MYO3B: variants seen among roughly 807,000 people sequenced by gnomAD.
MYO3B encodes myosin IIIB, also known as myosin-IIIb.
Under a neutral mutation model 174.6 loss-of-function variants are expected in MYO3B, and 156 were observed. That is an observed-to-expected ratio of 0.89 (90% confidence interval 0.78 to 1.02). MYO3B has a LOEUF of 1.02. Among genes scored for constraint, MYO3B ranks in the 50% least tolerant of loss-of-function variants. MYO3B has a pLI of 0.00. For missense variants in MYO3B, 1,632 were observed against 1,639.4 expected (o/e 1.00, Z 0.08); for synonymous variants, 563 against 569.1 (o/e 0.99, Z 0.15).
Position 170,192,241 on chromosome 2 carries a change from T to A in MYO3B, c.3-6967T>A, listed in dbSNP as rs143024077. On this transcript the variant is annotated intron_variant, in intron 1 of 34. Transcript: ENST00000408978. ...TTTTTGAGGGCTAGCTCTTTTTTTT[T>A]ATTATTCTGAATTTCTTCCATTATA... is the stretch of plus-strand genomic sequence containing the variant. 2.9e-3 allele frequency among the ~76,000 whole-genome samples: 433 copies of A among 151,910 alleles called. 2 individuals are homozygous for A. Among genetic ancestry groups the A allele is most frequent in the African/African-American group, 1.0e-2 (414 of 41,564 alleles).
chr2:170,296,381 G>A (rs1415788019), intron 7 of MYO3B, among the ~76,000 whole-genome samples: 1 of 152,208 alleles, frequency 6.6e-6, no homozygotes, highest in African/African-American at 2.4e-5. Flanking sequence ...ACCATTGGTG[G>A]TTAGTGGTAC....
chr2:170,492,615 C>T (rs74968819), intron 25 of MYO3B, among the ~76,000 whole-genome samples: 1,706 of 152,266 alleles, frequency 0.011, 29 homozygotes, highest in African/African-American at 0.039. Flanking sequence ...AGTTGTCTTT[C>T]AGAAATACAG....
chr2:170,440,647 G>T (rs2094793010), intron 22 of MYO3B, among the ~76,000 whole-genome samples: 1 of 151,476 alleles, frequency 6.6e-6, no homozygotes, highest in Non-Finnish European at 1.5e-5. Flanking sequence ...CAGCTACTCA[G>T]GAGGCTGAGG....
chr2:170,627,513 G>A lies in MYO3B; in HGVS notation c.3734-24115G>A, dbSNP rs527596744. Among the ~76,000 whole-genome samples the A allele has an allele frequency of 1.7e-4, 26 of 152,236 alleles. No homozygotes were observed. The East Asian group carries it at 4.1e-3, about 24-fold the overall frequency. The stretch of plus-strand genomic sequence containing the variant: ...GGGTTCGAACTTCCTCCTTTAGCTC[G>A]GAGAAGTTTGGTCATCTGAAGCCTT... On this transcript the variant is annotated intron_variant, in intron 32 of 34. Coordinates refer to ENST00000408978, the MANE Select transcript of MYO3B (RefSeq NM_138995.5).
At chr2:170,641,834 A>C in intron 32 of MYO3B, among the ~76,000 whole-genome samples, 1 of 117,120 alleles carries the variant, frequency 8.5e-6, no homozygotes, top group South Asian at 3.3e-4. Context: ...ATAGAATGGA[A>C]ATATTTATGA....
At chr2:170,511,146 G>A (rs1208186616) in intron 28 of MYO3B, among the ~76,000 whole-genome samples, 4 of 149,060 alleles carry the variant, frequency 2.7e-5, no homozygotes, top group South Asian at 4.3e-4. Context: ...TGCAAACTCC[G>A]CCTCCCAGGT....
intron 32 of MYO3B, among the ~76,000 whole-genome samples, chr2:170,568,695 A>G (rs907256289): frequency 6.6e-6 from 1 of 152,226 alleles, no homozygotes; most frequent in Non-Finnish European, 1.5e-5. Context: ...ACTTTCAGCA[A>G]TGATTTCAAT....
intron 32 of MYO3B, among the ~76,000 whole-genome samples, chr2:170,558,097 C>T (rs971890824): frequency 1.3e-5 from 2 of 152,126 alleles, no homozygotes; most frequent in African/African-American, 2.4e-5. Flanking sequence ...GTCAGGAGAT[C>T]AAGACCATCC....
intron 30 of MYO3B, among the ~76,000 whole-genome samples, chr2:170,528,324 G>A (rs150185341): frequency 6.6e-6 from 1 of 152,346 alleles, no homozygotes; most frequent in East Asian, 1.9e-4. Context: ...GTGGACTTCA[G>A]CAGATATGAT....
intron 32 of MYO3B, among the ~76,000 whole-genome samples, chr2:170,570,347 T>C (rs1420957925): frequency 6.6e-6 from 1 of 152,228 alleles, no homozygotes; most frequent in East Asian, 1.9e-4. Flanking sequence ...TCTTCCTTTT[T>C]ATTTAGCTGC....
At chr2:170,473,030 A>T (rs1189269100) in intron 25 of MYO3B, among the ~76,000 whole-genome samples, 1 of 151,594 alleles carries the variant, frequency 6.6e-6, no homozygotes, top group Admixed American at 6.6e-5. Flanking sequence ...GTATTGTCCG[A>T]TGCAGTGCCT....
At chr2:170,462,127 G>A (rs1035791112) in intron 23 of MYO3B, among the ~76,000 whole-genome samples, 1 of 152,174 alleles carries the variant, frequency 6.6e-6, no homozygotes, top group East Asian at 1.9e-4. Context: ...CTAAACCCAG[G>A]ATCTTTCCTT....
At chr2:170,526,410 T>G (rs1032565745) in intron 30 of MYO3B, among the ~76,000 whole-genome samples, 4 of 152,192 alleles carry the variant, frequency 2.6e-5, no homozygotes, top group Non-Finnish European at 4.4e-5. Flanking sequence ...GATCAAGACT[T>G]TGACTTAGCT....
intron 28 of MYO3B, among the ~76,000 whole-genome samples, chr2:170,510,755 T>C (rs1417483590): frequency 6.6e-6 from 1 of 151,842 alleles, no homozygotes; most frequent in Non-Finnish European, 1.5e-5. Context: ...TGATAACCAC[T>C]AATGGGTTTT....
intron 32 of MYO3B, among the ~76,000 whole-genome samples, chr2:170,624,798 G>T (rs1220250610): frequency 6.6e-6 from 1 of 152,110 alleles, no homozygotes; most frequent in Non-Finnish European, 1.5e-5. Flanking sequence ...TTTGTCAAAG[G>T]CCTTTTCTGC....
At chr2:170,377,480 T>C (rs10207452) in intron 9 of MYO3B, among the ~76,000 whole-genome samples, 48,405 of 151,830 alleles carry the variant, frequency 0.32, 8,945 homozygotes, top group African/African-American at 0.52. Flanking sequence ...CTCATTTCCT[T>C]GGACTTGATG....
At chr2:170,584,559 TC>T (rs1199533562) in intron 32 of MYO3B, among the ~76,000 whole-genome samples, 2 of 152,180 alleles carry the variant, frequency 1.3e-5, no homozygotes, top group African/African-American at 4.8e-5. Flanking sequence ...TCATGTTTTT[TC>T]CCCCATTAAG....
intron 5 of MYO3B, among the ~76,000 whole-genome samples, chr2:170,216,292 G>T (rs1182147720): frequency 6.6e-6 from 1 of 152,092 alleles, no homozygotes; most frequent in Non-Finnish European, 1.5e-5. Flanking sequence ...CTTCTGTGTG[G>T]TATAAAAGAA....
chr2:170,442,740 A>G (rs1378655317), intron 22 of MYO3B, among the ~76,000 whole-genome samples: 2 of 152,118 alleles, frequency 1.3e-5, no homozygotes, highest in East Asian at 1.9e-4. Flanking sequence ...CCTATGAGTG[A>G]GAACATGCAG....
Sources: allele counts gnomAD v4.1 joint callset (sites outside exome capture counted in the v4.1 genomes callset), GRCh38; gene constraint gnomAD v4.1.1; transcripts MANE v1.5; gene names NCBI Gene and HGNC (gene_info 2026-07-23, HGNC 2026-07-21).